ANKRD30BL: variants seen among roughly 807,000 people sequenced by gnomAD.
ANKRD30BL encodes the protein ankyrin repeat domain 30B like.
ANKRD30BL carries 20 observed loss-of-function variants against 18.4 expected under a neutral mutation model. The ratio of observed to expected loss-of-function variants is 1.09; its 90% CI spans 0.77 to 1.58. The LOEUF (loss-of-function observed/expected upper bound fraction) is 1.58, where lower values mean the gene tolerates loss of function less well. ANKRD30BL is among the 40% of genes most tolerant of loss of function. The pLI is 0.00. For missense variants in ANKRD30BL, 224 were observed against 268.6 expected (o/e 0.83, Z 1.16); for synonymous variants, 72 against 100.9 (o/e 0.71, Z 1.72).
At chr2:132,180,907 G>A (rs1688449099) in intron 1 of ANKRD30BL, among the ~76,000 whole-genome samples, 1 of 152,126 alleles carries the variant, frequency 6.6e-6, no homozygotes, top group East Asian at 1.9e-4. Context: ...CAGCACTTTG[G>A]GAGGCTGAGG....
intron 3 of ANKRD30BL, 136 bp from the exon 4 acceptor site, chr2:132,154,904 G>A: frequency 1.9e-6 from 1 of 514,578 alleles, no homozygotes; most frequent in Non-Finnish European, 3.5e-6. Context: ...TCACTTTTCT[G>A]TGCTTTCCCA....
At chr2:132,193,993 G>A (rs1678910491) in intron 1 of ANKRD30BL, among the ~76,000 whole-genome samples, 1 of 151,614 alleles carries the variant, frequency 6.6e-6, no homozygotes, top group Non-Finnish European at 1.5e-5. Flanking sequence ...TTAGCAGGAG[G>A]AGGTAGGGCT....
intron 1 of ANKRD30BL, among the ~76,000 whole-genome samples, chr2:132,211,034 T>G (rs1245860379): frequency 6.6e-6 from 1 of 151,788 alleles, no homozygotes; most frequent in Non-Finnish European, 1.5e-5. Flanking sequence ...TGACAGCCTA[T>G]GGTGGAAAAG....
rs1372612115 is a variant in ANKRD30BL, at chr2:132,198,268, T to TTTTC, written n.442-41126_442-41123dup. ...TAATTTACTATACCTTCTTTCTTTCTTTTCTTTCTTTCTTTCTTTCTTTCT... is the reference window on the plus strand; with the variant it reads ...TAATTTACTATACCTTCTTTCTTTCTTTTCTTTCTTTCTTTCTTTCTTTCTTTCT... On this transcript the variant is annotated intron_variant and non_coding_transcript_variant, in intron 1 of 4. Coordinates refer to the ANKRD30BL transcript ENST00000470729. Among the ~76,000 whole-genome samples the TTTTC allele has an allele frequency of 1.6e-3, 176 of 109,780 alleles. 4 individuals are homozygous for TTTTC. Among genetic ancestry groups the TTTTC allele is most frequent in the Admixed American group, 2.9e-3 (31 of 10,650 alleles). The allele number at this position is 109,780 out of a possible 152,430, so 72.0% of individuals were successfully genotyped here.
At chr2:132,211,762 T>A (rs1231850733) in intron 1 of ANKRD30BL, among the ~76,000 whole-genome samples, 4 of 151,900 alleles carry the variant, frequency 2.6e-5, no homozygotes, top group Non-Finnish European at 5.9e-5. Flanking sequence ...CACAGAAGCA[T>A]TCTCTGAAAC....
At chr2:132,233,831 T>C (rs200992987) in intron 1 of ANKRD30BL, among the ~76,000 whole-genome samples, 56 of 150,976 alleles carry the variant, frequency 3.7e-4, no homozygotes, top group Non-Finnish European at 6.0e-4. Flanking sequence ...CTGCACCAAG[T>C]GGACCTAATA....
chr2:132,254,521 A>G (rs1680767316), intron 1 of ANKRD30BL, among the ~76,000 whole-genome samples: 1 of 152,188 alleles, frequency 6.6e-6, no homozygotes, highest in African/African-American at 2.4e-5. Flanking sequence ...CAGTGTGTAC[A>G]AAGGGCAGGG....
At chr2:132,164,908 C>T (rs57110114), upstream of ANKRD30BL, among the ~76,000 whole-genome samples, 26,041 of 151,798 alleles carry the variant, frequency 0.17, 2,328 homozygotes, top group South Asian at 0.25. Context: ...GTCTCTACTA[C>T]AAATACAAAA....
chr2:132,237,836 G>A (rs1372314386), intron 1 of ANKRD30BL, among the ~76,000 whole-genome samples: 1 of 152,054 alleles, frequency 6.6e-6, no homozygotes, highest in Non-Finnish European at 1.5e-5. Context: ...TCCTCATGAT[G>A]TGTGTACTTA....
chr2:132,220,142 T>C (rs186167658), intron 1 of ANKRD30BL, among the ~76,000 whole-genome samples: 1 of 151,938 alleles, frequency 6.6e-6, no homozygotes, highest in Non-Finnish European at 1.5e-5. Context: ...GACCATTTAG[T>C]GGCCTTCGTT....
chr2:132,247,904 T>C (rs1254825728), intron 1 of ANKRD30BL, among the ~76,000 whole-genome samples: 1 of 151,952 alleles, frequency 6.6e-6, no homozygotes, highest in African/African-American at 2.4e-5. Flanking sequence ...TCTCAGAATG[T>C]TCTGTCTAGT....
chr2:132,249,890 T>C (rs1363557774), intron 1 of ANKRD30BL, among the ~76,000 whole-genome samples: 1 of 151,946 alleles, frequency 6.6e-6, no homozygotes, highest in Non-Finnish European at 1.5e-5. Flanking sequence ...GAGTTTCCAA[T>C]CTGCTCAATG....
intron 1 of ANKRD30BL, among the ~76,000 whole-genome samples, chr2:132,236,113 T>C (rs1009650962): frequency 6.6e-6 from 1 of 151,988 alleles, no homozygotes; most frequent in Admixed American, 6.6e-5. Context: ...TAATAAATGG[T>C]GCTGGGAAAA....
At chr2:132,225,133 G>C (rs566841995) in intron 1 of ANKRD30BL, among the ~76,000 whole-genome samples, 1 of 151,720 alleles carries the variant, frequency 6.6e-6, no homozygotes, top group African/African-American at 2.4e-5. Flanking sequence ...TGAGGCCTTC[G>C]TTGGAAACGG....
intron 1 of ANKRD30BL, among the ~76,000 whole-genome samples, chr2:132,179,486 A>C (rs1474118091): frequency 6.6e-6 from 1 of 152,004 alleles, no homozygotes; most frequent in Non-Finnish European, 1.5e-5. Context: ...ACAGGGTTTC[A>C]CCATGTTGGC....
chr2:132,158,779 C>A (rs530012349), intron 1 of ANKRD30BL, among the ~76,000 whole-genome samples: 1 of 150,146 alleles, frequency 6.7e-6, no homozygotes, highest in Non-Finnish European at 1.5e-5. Context: ...TAATTATTGA[C>A]ATATATGTAA....
At chr2:132,177,628 A>AT (rs1373201825) in intron 1 of ANKRD30BL, among the ~76,000 whole-genome samples, 2 of 152,208 alleles carry the variant, frequency 1.3e-5, no homozygotes, top group African/African-American at 2.4e-5. Flanking sequence ...TTCCCTAGTG[A>AT]TTAAAGAATT....
intron 1 of ANKRD30BL, among the ~76,000 whole-genome samples, chr2:132,192,406 T>C (rs1470157594): frequency 1.3e-5 from 2 of 152,162 alleles, no homozygotes; most frequent in African/African-American, 2.4e-5. Flanking sequence ...CACCAGCTCC[T>C]GGGATTCTGA....
At chr2:132,226,482 A>G (rs554349345) in intron 1 of ANKRD30BL, among the ~76,000 whole-genome samples, 1 of 151,882 alleles carries the variant, frequency 6.6e-6, no homozygotes, top group East Asian at 1.9e-4. Context: ...GCAAGTGGGC[A>G]TTAGGAGCAC....
Sources: allele counts gnomAD v4.1 joint callset (sites outside exome capture counted in the v4.1 genomes callset), GRCh38; gene constraint gnomAD v4.1.1; transcripts MANE v1.5; gene names NCBI Gene and HGNC (gene_info 2026-07-23, HGNC 2026-07-21).